The following ITPR1 variants were observed in gnomAD, a reference collection of about 807,000 sequenced individuals.
ITPR1 encodes the protein inositol 1,4,5-trisphosphate-gated calcium channel ITPR1.
ITPR1 carries 96 observed loss-of-function variants against 318.4 expected under a neutral mutation model. The observed-to-expected ratio is 0.30, with a 90% CI of 0.26 to 0.36. The LOEUF (loss-of-function observed/expected upper bound fraction) is 0.36. Among genes scored for constraint, ITPR1 ranks in the 10% least tolerant of loss-of-function variants. The pLI, the probability that ITPR1 is intolerant of heterozygous loss-of-function variation, is 1.00. For synonymous variants in ITPR1, 1,312 were observed against 1,289.9 expected (o/e 1.02, Z -0.37); for missense variants, 2,440 against 3,460.2 (o/e 0.71, Z 7.40).
Position 4,806,089 on chromosome 3 carries a change from G to A in ITPR1, c.7108-14G>A. 1 of 1,609,858 alleles carries A rather than the reference G, an allele frequency of 6.2e-7. No individual in the cohort carries two copies. On this transcript the variant is annotated splice_polypyrimidine_tract_variant and intron_variant, in intron 54 of 61. Transcript: ENST00000649015. ...CAGTCCGTGCCATCTGACTGTTCCT[G>A]TCATTGTTCTCAGGTATGCAATAAA...
chr3:4,748,445 A>T (rs897625322), intron 44 of ITPR1, among the ~76,000 whole-genome samples: 3 of 151,336 alleles, frequency 2.0e-5, no homozygotes, highest in East Asian at 1.9e-4. Flanking sequence ...ATGGAAGCAC[A>T]TTTTTTTTTA....
At chr3:4,585,142 G>T (rs925242207) in intron 4 of ITPR1, among the ~76,000 whole-genome samples, 2 of 152,030 alleles carry the variant, frequency 1.3e-5, no homozygotes, top group Non-Finnish European at 2.9e-5. Context: ...TACTCTTCTG[G>T]GTATTTGTTT....
intron 44 of ITPR1, among the ~76,000 whole-genome samples, chr3:4,763,945 G>A (rs2045634910): frequency 1.3e-5 from 2 of 152,244 alleles, no homozygotes; most frequent in South Asian, 4.1e-4. Flanking sequence ...TTGTTTCCTT[G>A]AATGACCAGA....
intron 44 of ITPR1, among the ~76,000 whole-genome samples, chr3:4,756,879 G>A (rs2045038209): frequency 6.6e-6 from 1 of 152,234 alleles, no homozygotes; most frequent in Admixed American, 6.5e-5. Flanking sequence ...ACCTTCCCTG[G>A]AAAGGGGTAT....
Position 4,663,152 on chromosome 3 carries a change from C to T in ITPR1, c.1500C>T (p.Ser500=). The T allele has an allele frequency of 6.8e-6, 11 of 1,613,684 alleles. No homozygotes were observed. Among genetic ancestry groups the T allele is most frequent in the Non-Finnish European group, 7.6e-6 (9 of 1,179,734 alleles). ...SGQDVLEVVF[S]KPNRERQKLM... is the part of the protein sequence containing the mutation. ...AAGATGTTCTCGAAGTTGTCTTCTCCAAGCCCAACAGAGAACGGCAGAAAC... is the reference window on the plus strand; with the variant it reads ...AAGATGTTCTCGAAGTTGTCTTCTCTAAGCCCAACAGAGAACGGCAGAAAC... Residue 500 remains serine, a synonymous_variant, in exon 16 of 62, where the codon TCC becomes TCT. Transcript: ENST00000649015.
chr3:4,691,122 C>A, intron 31 of ITPR1, 22 bp from the exon 32 acceptor site: 1 of 1,570,370 alleles, frequency 6.4e-7, no homozygotes, highest in South Asian at 1.2e-5. Flanking sequence ...TCCCTGTGCT[C>A]TTTTCCTCAC....
At chr3:4,563,944 T>C (rs2125021894) in intron 4 of ITPR1, among the ~76,000 whole-genome samples, 1 of 149,590 alleles carries the variant, frequency 6.7e-6, no homozygotes, top group South Asian at 2.1e-4. Context: ...TTTGTTTTCT[T>C]TTCTTTTTTT....
At position 4,717,543 on chromosome 3, in the gene ITPR1, G is replaced by A. The variant is rs115437911; in HGVS notation, c.5136+144G>A. On this transcript the variant is annotated intron_variant, in intron 40 of 61. Coordinates refer to ENST00000649015, the MANE Select transcript of ITPR1 (RefSeq NM_001378452.1). ...GGTGTGCCCTCTGGGAGTGAGTGGAGTCTGTCGTGTCTGTGTTAGCATTTC... is the reference window on the plus strand; with the variant it reads ...GGTGTGCCCTCTGGGAGTGAGTGGAATCTGTCGTGTCTGTGTTAGCATTTC... The A allele has an allele frequency of 1.6e-3, 1,205 of 736,074 alleles. 14 individuals are homozygous for A. The African/African-American group carries it at 0.018, about 11-fold the overall frequency. 45.6% of individuals were successfully genotyped at this position (736,074 alleles called of 1,614,324 possible). A position where few individuals can be genotyped will look rare whatever the true frequency, so the allele number is the denominator to read the frequency against.
Position 4,824,600 on chromosome 3 carries a change from C to A in ITPR1, c.8028+6358C>A, listed in dbSNP as rs144818962. The stretch of plus-strand genomic sequence containing the variant: ...TCTTAGACTTGGACTGGCTCATCTC[C>A]CAGCCCCGACCCCGAGTGATACTGA... On this transcript the variant is annotated intron_variant, in intron 60 of 61. Transcript: ENST00000649015. Among the ~76,000 whole-genome samples the A allele has an allele frequency of 4.0e-3, 610 of 152,276 alleles. 8 individuals are homozygous for A. The highest frequency in any genetic ancestry group is 0.032 in the Admixed American group (491 of 15,304).
At chr3:4,686,124 TGA>T (rs1315765122) in intron 30 of ITPR1, among the ~76,000 whole-genome samples, 1 of 152,084 alleles carries the variant, frequency 6.6e-6, no homozygotes, top group African/African-American at 2.4e-5. Flanking sequence ...CCATTTTAGA[TGA>T]GAGAGCTGCA....
chr3:4,549,914 A>G (rs2085388832), intron 4 of ITPR1, among the ~76,000 whole-genome samples: 1 of 152,212 alleles, frequency 6.6e-6, no homozygotes, highest in African/African-American at 2.4e-5. Context: ...GGACGTGGAT[A>G]TGTCTACTAA....
At chr3:4,520,291 G>A (rs1394232263) in intron 3 of ITPR1, among the ~76,000 whole-genome samples, 1 of 152,190 alleles carries the variant, frequency 6.6e-6, no homozygotes, top group Non-Finnish European at 1.5e-5. Context: ...GTGCAAGTTA[G>A]ACTTAGCAGT....
chr3:4,786,682 A>G (rs570757112), intron 51 of ITPR1, among the ~76,000 whole-genome samples: 23 of 152,290 alleles, frequency 1.5e-4, no homozygotes, highest in Middle Eastern at 3.4e-3. Context: ...AATTTGAACA[A>G]TCCAGCCAGA....
chr3:4,724,602 C>G (rs748915832), intron 40 of ITPR1: 1 of 152,224 alleles, frequency 6.6e-6, no homozygotes, highest in East Asian at 1.9e-4. Flanking sequence ...ACTTTGGTCC[C>G]GAGATGCCCA....
At chr3:4,800,198 G>C in intron 53 of ITPR1, 1 of 530,952 alleles carries the variant, frequency 1.9e-6, no homozygotes, top group Non-Finnish European at 3.3e-6. Flanking sequence ...GACCTGAGAT[G>C]AATGAGAAGG....
intron 4 of ITPR1, among the ~76,000 whole-genome samples, chr3:4,579,201 ATG>A (rs2089029775): frequency 6.6e-6 from 1 of 152,174 alleles, no homozygotes; most frequent in Admixed American, 6.5e-5. Context: ...CTTCTAAAAG[ATG>A]TGTCGTTGTG....
At position 4,706,178 on chromosome 3, in the gene ITPR1, G is replaced by T. The variant is rs886058615; in HGVS notation, c.4669G>T (p.Ala1557Ser). ...TTTCTCCTGTGCAGCCAAGAGCCGG[G>T]CCATTGCCATTCCCGTGGACCTGGA... ...RVLSDVAKSR[A>S]IAIPVDLDSQ... The change falls in exon 37 of 62, where the codon GCC becomes TCC. Residue 1557 changes from alanine to serine, a missense_variant. Around this residue, in one of 23 missense-constraint regions of ITPR1, gnomAD observed 166 missense variants for 246.5 expected, o/e 0.67. Transcript: ENST00000649015. 6.2e-7 allele frequency: 1 copy of T among 1,614,038 alleles called. No individual in the cohort carries two copies. The highest frequency in any genetic ancestry group is 1.1e-5 in the South Asian group (1 of 91,080).
chr3:4,729,212 G>A (rs2042733550), intron 42 of ITPR1, among the ~76,000 whole-genome samples: 2 of 152,158 alleles, frequency 1.3e-5, no homozygotes, highest in South Asian at 4.1e-4. Flanking sequence ...GTGTGATTTT[G>A]AGCAAGTTAA....
chr3:4,532,799 G>A lies in ITPR1; in HGVS notation c.163+11705G>A, dbSNP rs191461265. On this transcript the variant is annotated intron_variant, in intron 4 of 61. Coordinates refer to ENST00000649015, the MANE Select transcript of ITPR1 (RefSeq NM_001378452.1). ...TTCTGAGCCCAGAGCAATAGAGAAT[G>A]AGGGCTAGTGGATCAAAGTGCCCAG... Among the ~76,000 whole-genome samples the A allele has an allele frequency of 4.7e-4, 72 of 152,352 alleles. No homozygotes were observed. In the Middle Eastern group the frequency reaches 0.01, roughly 22 times the overall value.
Sources: gnomAD v4.1 joint callset for allele counts (sites outside exome capture counted in the v4.1 genomes callset) on GRCh38, gnomAD v4.1.1 for gene constraint, gnomAD v4.1.1 regional missense constraint, MANE v1.5 for transcripts, NCBI Gene and HGNC (gene_info 2026-07-23, HGNC 2026-07-21) for gene names.